MORC2: variants seen among roughly 807,000 people sequenced by gnomAD.
MORC2 encodes the protein MORC family CW-type zinc finger 2.
A neutral mutation model predicts 136.0 loss-of-function variants in MORC2; 30 were observed. The observed-to-expected ratio is 0.22, with a 90% CI of 0.17 to 0.30. The LOEUF (loss-of-function observed/expected upper bound fraction) is 0.30. Among genes scored for constraint, MORC2 ranks in the 10% least tolerant of loss-of-function variants. MORC2 has a pLI of 1.00. For missense variants in MORC2, 922 were observed against 1,333.1 expected (o/e 0.69, Z 4.80); for synonymous variants, 439 against 487.0 (o/e 0.90, Z 1.30).
chr22:30,936,712 C>A lies in MORC2; in HGVS notation c.1605-69G>T, dbSNP rs1280740392. 7.0e-6 allele frequency: 11 copies of A among 1,579,270 alleles called. No homozygotes were observed. In the South Asian group the frequency reaches 1.3e-4, roughly 18 times the overall value. On this transcript the variant is annotated intron_variant, in intron 16 of 25. Coordinates refer to ENST00000397641, the MANE Select transcript of MORC2 (RefSeq NM_001303256.3). ...CAAGCTCGGCAAGGACCTTTCTCTT[C>A]AGCCAGTCTACACTGTCTGTCACAA...
Position 30,932,241 on chromosome 22 carries a change from C to T in MORC2, c.2841+118G>A, listed in dbSNP as rs1188684634. 1.1e-6 allele frequency: 1 copy of T among 897,766 alleles called. No homozygotes were observed. Among genetic ancestry groups the T allele is most frequent in the African/African-American group, 1.7e-5 (1 of 60,110 alleles). The allele number at this position is 897,766 out of a possible 1,614,324, so 55.6% of individuals were successfully genotyped here. Reference sequence around the variant, plus strand: ...GAGAGGCTGGCTGAGATGGAGCACACAGCTGAGAGCTAGCAACTGCAACAA... The same window carrying T: ...GAGAGGCTGGCTGAGATGGAGCACATAGCTGAGAGCTAGCAACTGCAACAA... On this transcript the variant is annotated intron_variant, in intron 24 of 25. Coordinates refer to ENST00000397641, the MANE Select transcript of MORC2 (RefSeq NM_001303256.3). This position sits in a 1 kb window ranked among gnomAD's most constrained non-coding sequence, Gnocchi z 4.4.
chr22:30,942,648 AT>A (rs1464190168), intron 6 of MORC2, among the ~76,000 whole-genome samples: 2 of 152,146 alleles, frequency 1.3e-5, no homozygotes, highest in Non-Finnish European at 2.9e-5. Context: ...AAACTCAGCA[AT>A]TCCACTCCTA....
intron 1 of MORC2, among the ~76,000 whole-genome samples, chr22:30,966,582 C>A (rs1045611863): frequency 6.6e-6 from 1 of 152,078 alleles, no homozygotes; most frequent in South Asian, 2.1e-4. Context: ...CGGGACCAGC[C>A]TGGCCAACAT....
intron 3 of MORC2, among the ~76,000 whole-genome samples, chr22:30,954,970 T>C (rs1437737184): frequency 3.4e-5 from 5 of 148,136 alleles, no homozygotes; most frequent in Non-Finnish European, 7.4e-5. Flanking sequence ...TTTTTTTTTT[T>C]TTTTTGAGAC....
chr22:30,958,625 C>A lies in MORC2; in HGVS notation c.122+16G>T. 1 of 1,541,668 alleles carries A rather than the reference C, an allele frequency of 6.5e-7. No individual in the cohort carries two copies. Among genetic ancestry groups the A allele is most frequent in the Non-Finnish European group, 8.8e-7 (1 of 1,139,392 alleles). On this transcript the variant is annotated intron_variant, in intron 2 of 25. Transcript: ENST00000397641. ...TTCCACTTCAAGCACAGATTGTATG[C>A]CTGAAGACTACATACCTTGCATTAT...
At chr22:30,928,754 G>A (rs985061763) in intron 24 of MORC2, among the ~76,000 whole-genome samples, 2 of 152,184 alleles carry the variant, frequency 1.3e-5, no homozygotes, top group Non-Finnish European at 2.9e-5. Flanking sequence ...GGTAGGAAGG[G>A]AAACAAGCAG....
Position 30,926,773 on chromosome 22 carries a change from T to C in MORC2, c.*30A>G, listed in dbSNP as rs781752629. 1.9e-6 allele frequency: 3 copies of C among 1,596,526 alleles called. No homozygotes were observed. Among genetic ancestry groups the C allele is most frequent in the Non-Finnish European group, 2.6e-6 (3 of 1,166,494 alleles). On this transcript the variant is annotated 3_prime_UTR_variant, in exon 26 of 26. Transcript: ENST00000397641. The stretch of plus-strand genomic sequence containing the variant: ...TGCAGCTACAGGGTTGAGGGGCAGG[T>C]GGGCAGGGGAGCTGCTCTCTCTCCT...
At chr22:30,954,981 G>A (rs758848043) in intron 3 of MORC2, among the ~76,000 whole-genome samples, 30 of 117,656 alleles carry the variant, frequency 2.5e-4, no homozygotes, top group African/African-American at 9.5e-4. Context: ...TTTTTGAGAC[G>A]GAGCTTCGCT....
chr22:30,942,201 G>A lies in MORC2; in HGVS notation c.497C>T (p.Ala166Val). ...CTTATAGATGAGTTCTGTCTCAATG[G>A]CAAATTTCTCTACATTGTCTGTGAC... Reference protein sequence around the residue: ...EPVTDNVEKFAIETELIYKYS... With the variant: ...EPVTDNVEKFVIETELIYKYS... Residue 166 changes from alanine (A) to valine (V), a missense_variant, in exon 7 of 26, where the codon GCC becomes GTC. Coordinates refer to ENST00000397641, the MANE Select transcript of MORC2 (RefSeq NM_001303256.3). 1 of 1,614,056 alleles carries A rather than the reference G, an allele frequency of 6.2e-7. No individual in the cohort carries two copies. The highest frequency in any genetic ancestry group is 8.5e-7 in the Non-Finnish European group (1 of 1,179,964).
chr22:30,934,955 T>C lies in MORC2; in HGVS notation c.2019A>G (p.Ala673=). The change falls in exon 19 of 26, where the codon GCA becomes GCG. Residue 673 remains alanine (A), a synonymous_variant. Coordinates refer to ENST00000397641, the MANE Select transcript of MORC2 (RefSeq NM_001303256.3). This position sits in a 1 kb window ranked among gnomAD's most constrained non-coding sequence, Gnocchi z 4.4. ...CGAGAGTGTTGGCAGGCTTTCGGGG[T>C]GCCTCAGGTGGCTGGAGCAGCCTAG... ...STSRLLQPPE[A]PRKPANTLVK... 1 of 1,613,898 alleles carries C rather than the reference T, an allele frequency of 6.2e-7. No homozygotes were observed. Among genetic ancestry groups the C allele is most frequent in the Non-Finnish European group, 8.5e-7 (1 of 1,179,970 alleles).
At chr22:30,945,162 A>G (rs992385779) in intron 6 of MORC2, among the ~76,000 whole-genome samples, 2 of 152,194 alleles carry the variant, frequency 1.3e-5, no homozygotes, top group Non-Finnish European at 2.9e-5. Flanking sequence ...CTGTATCAGG[A>G]AACATTCCTG....
chr22:30,933,910 G>T lies in MORC2; in HGVS notation c.2325+150C>A, dbSNP rs1280893944. 4.4e-6 allele frequency: 4 copies of T among 910,584 alleles called. No individual in the cohort carries two copies. In the African/African-American group the frequency reaches 6.8e-5, roughly 15 times the overall value. 56.4% of individuals were successfully genotyped at this position (910,584 alleles called of 1,614,324 possible). A position where few individuals can be genotyped will look rare whatever the true frequency, so the allele number is the denominator to read the frequency against. ...CATGACACGAATATAAACAGAGTTG[G>T]TGCAGACTGCTGGTGGGGGGGGTAG... On this transcript the variant is annotated intron_variant, in intron 20 of 25. Coordinates refer to ENST00000397641, the MANE Select transcript of MORC2 (RefSeq NM_001303256.3).
intron 18 of MORC2, 34 bp downstream of exon 18, chr22:30,935,214 G>C: frequency 1.2e-6 from 2 of 1,612,358 alleles, no homozygotes; most frequent in Non-Finnish European, 1.7e-6. Context: ...TGAGACACCT[G>C]AGGAAAAGCC....
Position 30,932,608 on chromosome 22 carries a change from T to C in MORC2, c.2684A>G (p.Glu895Gly). Residue 895 changes from glutamate to glycine, a missense_variant, in exon 23 of 26, where the codon GAG becomes GGG. Physicochemically the swap from Glu to Gly is moderately conservative, Grantham distance 98. Around this residue, in one of 9 missense-constraint regions of MORC2, gnomAD observed 263 missense variants for 388.3 expected, o/e 0.68. Transcript: ENST00000397641. This position sits in a 1 kb window ranked among gnomAD's most constrained non-coding sequence, Gnocchi z 4.4. Reference sequence around the variant, plus strand: ...GGTGCTCAGGGCAGTGGTGTCAGGCTCAATGCGGAGGCATTCGGAAGTGGA... The same window carrying C: ...GGTGCTCAGGGCAGTGGTGTCAGGCCCAATGCGGAGGCATTCGGAAGTGGA... ...EPSTSECLRIEPDTTALSTNH... is the reference protein window; with the variant it reads ...EPSTSECLRIGPDTTALSTNH... The C allele has an allele frequency of 2.5e-6, 4 of 1,614,126 alleles. No homozygotes were observed. The highest frequency in any genetic ancestry group is 3.4e-6 in the Non-Finnish European group (4 of 1,180,028).
rs60514280 is a variant in MORC2 at position 30,926,550 on chromosome 22, CAAAAAAAAAAAAAAAAAA to C, written c.*235_*252del. On this transcript the variant is annotated 3_prime_UTR_variant, in exon 26 of 26. Coordinates refer to ENST00000397641, the MANE Select transcript of MORC2 (RefSeq NM_001303256.3). ...AAGGTTCTCTGTCCTTTGCAGTCAC[CAAAAAAAAAAAAAAAAAA>C]AAAAAAAAAAAAAAAAAAGTATGGT... 2.0e-3 allele frequency: 51 copies of C among 25,786 alleles called. No homozygotes were observed. Among genetic ancestry groups the C allele is most frequent in the Admixed American group, 5.6e-3 (7 of 1,252 alleles). The allele number at this position is 25,786 out of a possible 1,614,324, so 1.6% of individuals were successfully genotyped here. A position where few individuals can be genotyped will look rare whatever the true frequency, so the allele number is the denominator to read the frequency against.
At chr22:30,967,190 G>A (rs1310691746) in intron 1 of MORC2, 1 of 985,098 alleles carries the variant, frequency 1.0e-6, no homozygotes, top group African/African-American at 1.7e-5. Context: ...GGAGTGATTA[G>A]ATTACTCCTT....
Position 30,934,736 on chromosome 22 carries a change from A to G in MORC2, c.2193+45T>C. 2 of 1,598,460 alleles carry G rather than the reference A, an allele frequency of 1.3e-6. No homozygotes were observed. Among genetic ancestry groups the G allele is most frequent in the Non-Finnish European group, 8.5e-7 (1 of 1,170,190 alleles). On this transcript the variant is annotated intron_variant, in intron 19 of 25. Transcript: ENST00000397641. The surrounding 1 kb of genome is among the most constrained non-coding windows in gnomAD (Gnocchi z 4.4). ...TGACACTGCACAATTCCATTCCTAC[A>G]CTACTGACACTGGGCTGGGGTATTA...
At chr22:30,949,142 C>T (rs1201047778) in intron 5 of MORC2, among the ~76,000 whole-genome samples, 2 of 152,206 alleles carry the variant, frequency 1.3e-5, no homozygotes, top group Non-Finnish European at 2.9e-5. Flanking sequence ...GAAATAGAAA[C>T]CTTTCTCTTG....
chr22:30,956,688 A>T (rs1414222748), intron 3 of MORC2, 75 bp downstream of exon 3: 4 of 1,205,488 alleles, frequency 3.3e-6, no homozygotes, highest in African/African-American at 1.6e-5. Context: ...GTTATTTCCC[A>T]CTCAATTCTT....
Sources: allele counts gnomAD v4.1 joint callset (sites outside exome capture counted in the v4.1 genomes callset), GRCh38; gene constraint gnomAD v4.1.1; regional missense constraint gnomAD v4.1.1; non-coding constraint Gnocchi (gnomAD v3.1); transcripts MANE v1.5; gene names NCBI Gene and HGNC (gene_info 2026-07-23, HGNC 2026-07-21).